Variants in CLDN16 observed in about 807,000 individuals in gnomAD.
CLDN16 encodes the protein claudin-16.
CLDN16 carries 13 observed loss-of-function variants against 24.6 expected under a neutral mutation model. The ratio of observed to expected loss-of-function variants is 0.53; its 90% confidence interval spans 0.34 to 0.84. The LOEUF (loss-of-function observed/expected upper bound fraction) is 0.84. CLDN16 is among the 40% of genes least tolerant of loss of function. The probability of loss-of-function intolerance (pLI) is 0.01; values close to 1 mark genes in which losing one functional copy is unlikely to be tolerated. For synonymous variants in CLDN16, 116 were observed against 106.7 expected, an observed-to-expected ratio of 1.09 and a Z score of -0.54; for missense variants, 298 against 292.7, an observed-to-expected ratio of 1.02 and a Z score of -0.13.
At chr3:190,372,595 G>C (rs1718166423) in intron 2 of CLDN16, among the ~76,000 whole-genome samples, 1 of 151,908 alleles carries the variant, frequency 6.6e-6, no homozygotes, top group Non-Finnish European at 1.5e-5. Context: ...AGTGAGCTGT[G>C]AATGTCCTAC....
At chr3:190,403,575 T>G (rs938654723) in intron 2 of CLDN16, among the ~76,000 whole-genome samples, 3 of 152,150 alleles carry the variant, frequency 2.0e-5, no homozygotes, top group Non-Finnish European at 4.4e-5. Context: ...ATAAGGCAAC[T>G]TCTTTTCTCA....
intron 1 of CLDN16, among the ~76,000 whole-genome samples, chr3:190,397,979 A>G (rs1718861986): frequency 6.6e-6 from 1 of 152,228 alleles, no homozygotes; most frequent in South Asian, 2.1e-4. Context: ...AGGAATGACC[A>G]TAGTAGGCTA....
the CLDN16 span, among the ~76,000 whole-genome samples, chr3:190,317,181 C>T: frequency 0.11 from 17,386 of 152,094 alleles, 1,175 homozygotes; most frequent in East Asian, 0.22. Context: ...AAACATATTC[C>T]TTTTCTCACC....
At chr3:190,395,176 T>C (rs1718785823) in intron 1 of CLDN16, among the ~76,000 whole-genome samples, 1 of 152,106 alleles carries the variant, frequency 6.6e-6, no homozygotes, top group South Asian at 2.1e-4. Flanking sequence ...ATATATAACG[T>C]AGGTCATATA....
At chr3:190,360,610 T>C (rs1717868278) in intron 1 of CLDN16, among the ~76,000 whole-genome samples, 2 of 151,994 alleles carry the variant, frequency 1.3e-5, no homozygotes, top group African/African-American at 2.4e-5. Context: ...TGTAATTATT[T>C]GTTTGGTTGA....
upstream of CLDN16, chr3:190,388,003 C>T (rs952746630): frequency 7.3e-6 from 7 of 963,720 alleles, no homozygotes; most frequent in African/African-American, 9.7e-5. Context: ...GTCTGGTGAC[C>T]ACCACTAGCC....
At chr3:190,336,159 G>A (rs993264562) in intron 1 of CLDN16, among the ~76,000 whole-genome samples, 3 of 152,164 alleles carry the variant, frequency 2.0e-5, no homozygotes, top group African/African-American at 7.2e-5. Context: ...AAAAGTCAGA[G>A]GTTATTTCTG....
intron 1 of CLDN16, among the ~76,000 whole-genome samples, chr3:190,400,261 A>ACGGAATCTCGCT (rs951470637): frequency 2.0e-5 from 3 of 151,152 alleles, no homozygotes; most frequent in Non-Finnish European, 2.9e-5. Flanking sequence ...GTTTGTTTAG[A>ACGGAATCTCGCT]CGGAATCTCG....
the CLDN16 span, among the ~76,000 whole-genome samples, chr3:190,313,629 T>C: frequency 6.6e-6 from 1 of 152,170 alleles, no homozygotes; most frequent in Non-Finnish European, 1.5e-5. Context: ...ATAGAAGTCA[T>C]TTTCTTAAAA....
chr3:190,391,412 C>T (rs1311146879), intron 1 of CLDN16, among the ~76,000 whole-genome samples: 1 of 151,948 alleles, frequency 6.6e-6, no homozygotes, highest in African/African-American at 2.4e-5. Context: ...AACAAAGATA[C>T]ACATGAAACT....
At chr3:190,367,975 T>C (rs1216251543) in intron 1 of CLDN16, among the ~76,000 whole-genome samples, 1 of 151,948 alleles carries the variant, frequency 6.6e-6, no homozygotes, top group Non-Finnish European at 1.5e-5. Context: ...GAAATCTCTG[T>C]AATCTGATTT....
At chr3:190,292,266 G>T in the CLDN16 span, among the ~76,000 whole-genome samples, 3 of 152,172 alleles carry the variant, frequency 2.0e-5, no homozygotes, top group Admixed American at 2.0e-4. Context: ...GACTTCTGTG[G>T]ACTCACAGGC....
chr3:190,385,572 T>TTC (rs1338125341), upstream of CLDN16, among the ~76,000 whole-genome samples: 2 of 100,878 alleles, frequency 2.0e-5, no homozygotes, highest in East Asian at 2.1e-4. Context: ...TAGTCTAGAT[T>TTC]TTTTTTTTTG....
chr3:190,362,345 A>G (rs951980218), intron 1 of CLDN16, among the ~76,000 whole-genome samples: 1 of 151,816 alleles, frequency 6.6e-6, no homozygotes. Flanking sequence ...ATCTGACTCA[A>G]TCAGTTCTGC....
intron 1 of CLDN16, among the ~76,000 whole-genome samples, chr3:190,331,109 G>A (rs9875536): frequency 0.12 from 18,842 of 152,190 alleles, 1,298 homozygotes; most frequent in Middle Eastern, 0.23. Context: ...TCTGACCTTT[G>A]CTACCATACC....
the CLDN16 span, among the ~76,000 whole-genome samples, chr3:190,315,895 A>G: frequency 6.6e-6 from 1 of 152,192 alleles, no homozygotes; most frequent in African/African-American, 2.4e-5. Context: ...TCTCCCAGGC[A>G]AGGAACACAT....
At chr3:190,344,198 T>G (rs77591347) in intron 1 of CLDN16, among the ~76,000 whole-genome samples, 7,171 of 152,076 alleles carry the variant, frequency 0.047, 562 homozygotes, top group African/African-American at 0.16. Context: ...ACACAGAGCT[T>G]CCAAATTTCT....
At chr3:190,396,225 C>A (rs1412224876) in intron 1 of CLDN16, among the ~76,000 whole-genome samples, 1 of 152,128 alleles carries the variant, frequency 6.6e-6, no homozygotes, top group Non-Finnish European at 1.5e-5. Flanking sequence ...GGTTTCCTAA[C>A]ACTTTTAAGT....
At chr3:190,325,086 A>G (rs1376228958) in intron 1 of CLDN16, among the ~76,000 whole-genome samples, 1 of 152,144 alleles carries the variant, frequency 6.6e-6, no homozygotes, top group East Asian at 1.9e-4. Context: ...AAGCTTTATG[A>G]CTCTAAGTAA....
Sources: allele counts gnomAD v4.1 joint callset (sites outside exome capture counted in the v4.1 genomes callset), GRCh38; gene constraint gnomAD v4.1.1; transcripts MANE v1.5; gene names NCBI Gene and HGNC (gene_info 2026-07-23, HGNC 2026-07-21).